RBFOX1: variants seen among roughly 807,000 people sequenced by gnomAD.
RBFOX1 encodes the protein RNA binding fox-1 homolog 1.
RBFOX1 carries 8 observed loss-of-function variants against 57.7 expected under a neutral mutation model. That is an observed-to-expected ratio of 0.14 (90% CI 0.08 to 0.25). The LOEUF (loss-of-function observed/expected upper bound fraction) is 0.25. Ranked by LOEUF, RBFOX1 falls within the 10% of genes least tolerant of loss-of-function variation. The pLI, the probability that RBFOX1 is intolerant of heterozygous loss-of-function variation, is 1.00. For missense variants in RBFOX1, 611 were observed against 548.5 expected, an observed-to-expected ratio of 1.11 and a Z score of -1.14; for synonymous variants, 326 against 222.4, an observed-to-expected ratio of 1.47 and a Z score of -4.15.
intron 13 of RBFOX1, among the ~76,000 whole-genome samples, chr16:7,672,898 G>C (rs1356192059): frequency 3.5e-5 from 3 of 86,824 alleles, no homozygotes; most frequent in African/African-American, 1.5e-4. Context: ...AGAACATATA[G>C]ATAAATTAGG....
At chr16:5,619,591 C>G (rs1379129279) in intron 3 of RBFOX1, among the ~76,000 whole-genome samples, 1 of 152,200 alleles carries the variant, frequency 6.6e-6, no homozygotes, top group Admixed American at 6.5e-5. Context: ...TTTCCATCAG[C>G]TGTGAGTGAC....
At chr16:6,126,661 G>C (rs1009973541) in intron 1 of RBFOX1, among the ~76,000 whole-genome samples, 1 of 152,064 alleles carries the variant, frequency 6.6e-6, no homozygotes, top group Non-Finnish European at 1.5e-5. Context: ...TATTCTGGGG[G>C]TCTGGCTCCT....
intron 2 of RBFOX1, among the ~76,000 whole-genome samples, chr16:6,397,863 T>C (rs1269177040): frequency 6.6e-6 from 1 of 152,018 alleles, no homozygotes; most frequent in Non-Finnish European, 1.5e-5. Flanking sequence ...CTACTAAAAA[T>C]ATTACAAAAG....
intron 3 of RBFOX1, among the ~76,000 whole-genome samples, chr16:5,775,024 G>A (rs1221202672): frequency 1.3e-5 from 2 of 152,054 alleles, no homozygotes; most frequent in Admixed American, 6.6e-5. Flanking sequence ...AATCCCCTTC[G>A]CTTTTCCCTA....
intron 3 of RBFOX1, among the ~76,000 whole-genome samples, chr16:6,664,516 C>G (rs766386680): frequency 1.3e-5 from 2 of 152,290 alleles, no homozygotes; most frequent in East Asian, 3.9e-4. Context: ...GGATGTGATA[C>G]ATATACCACA....
chr16:6,572,796 G>T (rs936014618), intron 2 of RBFOX1, among the ~76,000 whole-genome samples: 1 of 152,086 alleles, frequency 6.6e-6, no homozygotes, highest in Non-Finnish European at 1.5e-5. Context: ...GTTTCACCAT[G>T]TTGGCCACGC....
intron 2 of RBFOX1, among the ~76,000 whole-genome samples, chr16:6,553,625 G>A (rs1422767492): frequency 6.6e-6 from 1 of 151,992 alleles, no homozygotes; most frequent in Admixed American, 6.6e-5. Flanking sequence ...TAGACGCGGT[G>A]GGGATGGACG....
At chr16:7,644,344 G>C (rs1009546403) in intron 11 of RBFOX1, among the ~76,000 whole-genome samples, 1 of 152,192 alleles carries the variant, frequency 6.6e-6, no homozygotes, top group African/African-American at 2.4e-5. Context: ...TTATCATCAT[G>C]CAATTGAATT....
At chr16:5,617,372 G>T (rs951433688) in intron 3 of RBFOX1, among the ~76,000 whole-genome samples, 2 of 152,142 alleles carry the variant, frequency 1.3e-5, no homozygotes, top group Non-Finnish European at 2.9e-5. Context: ...TTCTGGCTCA[G>T]TCTTCTCTGG....
chr16:6,041,543 G>T (rs75033569), intron 1 of RBFOX1, among the ~76,000 whole-genome samples: 1 of 151,560 alleles, frequency 6.6e-6, no homozygotes, highest in African/African-American at 2.4e-5. Context: ...CACATTTTAC[G>T]GATGAGGAAA....
chr16:7,630,744 C>T, intron 11 of RBFOX1, 61 bp downstream of exon 11: 1 of 1,604,066 alleles, frequency 6.2e-7, no homozygotes, highest in Non-Finnish European at 8.5e-7. Context: ...AATCACCTTC[C>T]CTGCCATGTA....
chr16:6,348,998 G>T (rs2085837740), intron 2 of RBFOX1, among the ~76,000 whole-genome samples: 1 of 152,176 alleles, frequency 6.6e-6, no homozygotes, highest in Non-Finnish European at 1.5e-5. Flanking sequence ...TTCTTATCTT[G>T]AGATTTGATT....
chr16:5,695,113 G>A (rs2050807966), intron 3 of RBFOX1, among the ~76,000 whole-genome samples: 1 of 152,028 alleles, frequency 6.6e-6, no homozygotes, highest in African/African-American at 2.4e-5. Context: ...GTCACCTGTA[G>A]TCCTACAACC....
intron 4 of RBFOX1, among the ~76,000 whole-genome samples, chr16:7,434,154 A>G (rs1038704961): frequency 1.3e-5 from 2 of 151,950 alleles, no homozygotes; most frequent in African/African-American, 2.4e-5. Flanking sequence ...AGCTTAGGAG[A>G]TGACAGACAT....
intron 4 of RBFOX1, chr16:7,328,853 C>T (rs2096647518): frequency 6.6e-6 from 1 of 152,086 alleles, no homozygotes; most frequent in Non-Finnish European, 1.5e-5. Flanking sequence ...AAAATACATA[C>T]CCTAGATTAA....
At chr16:6,921,802 A>G (rs1239451575) in intron 3 of RBFOX1, among the ~76,000 whole-genome samples, 2 of 152,116 alleles carry the variant, frequency 1.3e-5, no homozygotes, top group African/African-American at 2.4e-5. Context: ...ACACATGAAC[A>G]TAATCACCAT....
chr16:6,887,559 A>G (rs991100573), intron 3 of RBFOX1, among the ~76,000 whole-genome samples: 9 of 140,454 alleles, frequency 6.4e-5, no homozygotes, highest in African/African-American at 1.7e-4. Flanking sequence ...AAACACATAT[A>G]CTTTTTTTTT....
At chr16:5,636,716 A>G (rs1333106413) in intron 3 of RBFOX1, among the ~76,000 whole-genome samples, 1 of 152,088 alleles carries the variant, frequency 6.6e-6, no homozygotes, top group African/African-American at 2.4e-5. Flanking sequence ...CATCTAGGGA[A>G]CTCCGGGCAG....
chr16:6,602,163 G>C (rs1160706893), intron 2 of RBFOX1, among the ~76,000 whole-genome samples: 2 of 151,572 alleles, frequency 1.3e-5, no homozygotes, highest in East Asian at 1.9e-4. Context: ...TTTTTAATTT[G>C]TAGTTTGTTG....
Sources: allele counts gnomAD v4.1 joint callset (sites outside exome capture counted in the v4.1 genomes callset), GRCh38; gene constraint gnomAD v4.1.1; transcripts MANE v1.5; gene names NCBI Gene and HGNC (gene_info 2026-07-23, HGNC 2026-07-21).